The following ATP10B variants were observed in gnomAD, a reference collection of about 807,000 sequenced individuals.
The protein encoded by ATP10B is phospholipid-transporting ATPase VB.
A neutral mutation model predicts 141.2 loss-of-function variants in ATP10B; 122 were observed. The ratio of observed to expected loss-of-function variants is 0.86; its 90% CI spans 0.75 to 1.00. The LOEUF (loss-of-function observed/expected upper bound fraction) is 1.00. Among genes scored for constraint, ATP10B ranks in the 50% least tolerant of loss-of-function variants. ATP10B has a pLI of 0.00. For synonymous variants in ATP10B, 685 were observed against 692.0 expected (o/e 0.99, Z 0.16); for missense variants, 1,876 against 1,825.3 (o/e 1.03, Z -0.51).
At chr5:160,640,393 G>C (rs1302815844) in intron 10 of ATP10B, 68 bp downstream of exon 10, 7 of 1,556,108 alleles carry the variant, frequency 4.5e-6, no homozygotes, top group Non-Finnish European at 6.1e-6. Flanking sequence ...TTATAAATGA[G>C]GAAGCTGAAG....
intron 24 of ATP10B, among the ~76,000 whole-genome samples, chr5:160,580,227 T>C (rs762727761): frequency 6.6e-6 from 1 of 152,172 alleles, no homozygotes; most frequent in Non-Finnish European, 1.5e-5. Flanking sequence ...GAGGGTGGCA[T>C]CCTTGTTTTC....
In ATP10B at chr5:160,651,432, T is replaced by A. The variant is rs78407381; in HGVS notation, c.676-2176A>T. Among the ~76,000 whole-genome samples the A allele has an allele frequency of 2.0e-4, 30 of 152,248 alleles. 1 individual carries two copies. In the East Asian group the frequency reaches 5.8e-3, roughly 29 times the overall value. ...TACATTGACTAATCCTACGTTCAAC[T>A]CATGAGCCTTCGTTTCTTCATCTGT... On this transcript the variant is annotated intron_variant, in intron 7 of 25. Transcript: ENST00000327245.
At chr5:160,704,743 C>T (rs574641296) in intron 3 of ATP10B, among the ~76,000 whole-genome samples, 5 of 152,130 alleles carry the variant, frequency 3.3e-5, no homozygotes, top group African/African-American at 9.6e-5. Context: ...CATTGTTTAG[C>T]GCAGCCACTT....
the ATP10B span, among the ~76,000 whole-genome samples, chr5:160,882,712 C>A: frequency 6.6e-6 from 1 of 151,588 alleles, no homozygotes; most frequent in Non-Finnish European, 1.5e-5. Flanking sequence ...AGGTAAATAC[C>A]GTAAAGAAAA....
At chr5:160,786,557 C>A (rs1467377952) in intron 1 of ATP10B, among the ~76,000 whole-genome samples, 1 of 152,044 alleles carries the variant, frequency 6.6e-6, no homozygotes, top group Non-Finnish European at 1.5e-5. Context: ...TTCAACGGCT[C>A]CCTCCATTCC....
intron 1 of ATP10B, among the ~76,000 whole-genome samples, chr5:160,826,690 A>C (rs1298598838): frequency 6.6e-6 from 1 of 152,226 alleles, no homozygotes; most frequent in Admixed American, 6.5e-5. Flanking sequence ...AGTAGGAGAG[A>C]GATCACTAAA....
chr5:160,619,932 T>C (rs765231167), intron 15 of ATP10B, among the ~76,000 whole-genome samples: 6 of 152,202 alleles, frequency 3.9e-5, no homozygotes, highest in Non-Finnish European at 7.4e-5. Flanking sequence ...GTTAACCATG[T>C]TACCTCTTGT....
intron 7 of ATP10B, among the ~76,000 whole-genome samples, chr5:160,653,042 A>G (rs1220125083): frequency 2.7e-5 from 3 of 112,090 alleles, no homozygotes; most frequent in African/African-American, 1.0e-4. Context: ...ATTTATATTT[A>G]TGTATATAAT....
chr5:160,860,662 G>C, the ATP10B span, among the ~76,000 whole-genome samples: 1 of 151,868 alleles, frequency 6.6e-6, no homozygotes. Context: ...ATAACTTTTT[G>C]GTCCTTTGTC....
At chr5:160,649,113 T>C (rs1225306123) in intron 8 of ATP10B, 58 bp downstream of exon 8, 4 of 1,271,928 alleles carry the variant, frequency 3.1e-6, no homozygotes, top group African/African-American at 1.5e-5. Flanking sequence ...TTCTAGACAA[T>C]ATATTTTCTA....
At chr5:160,726,284 C>T (rs929974218) in intron 2 of ATP10B, among the ~76,000 whole-genome samples, 1 of 152,292 alleles carries the variant, frequency 6.6e-6, no homozygotes, top group Admixed American at 6.5e-5. Context: ...CAAGCCCAGC[C>T]ATGTAGGCCC....
intron 16 of ATP10B, among the ~76,000 whole-genome samples, chr5:160,617,312 A>C (rs148665425): frequency 3.9e-4 from 60 of 152,340 alleles, no homozygotes; most frequent in African/African-American, 1.4e-3. Flanking sequence ...CTACAAAACT[A>C]TGGCTGGGCT....
At chr5:160,811,159 G>A (rs1189487704) in intron 1 of ATP10B, among the ~76,000 whole-genome samples, 1 of 152,034 alleles carries the variant, frequency 6.6e-6, no homozygotes, top group African/African-American at 2.4e-5. Flanking sequence ...CTTGGGCCAT[G>A]AATAACCAGT....
intron 2 of ATP10B, among the ~76,000 whole-genome samples, chr5:160,774,242 A>G (rs926462006): frequency 3.9e-5 from 6 of 152,218 alleles, no homozygotes; most frequent in Middle Eastern, 3.2e-3. Context: ...ACTTAATGAC[A>G]GCTAATGAGG....
At chr5:160,850,628 T>A (rs187288403) in intron 1 of ATP10B, among the ~76,000 whole-genome samples, 1 of 152,160 alleles carries the variant, frequency 6.6e-6, no homozygotes, top group South Asian at 2.1e-4. Context: ...ACTGGACTTA[T>A]CAGTATCACA....
At chr5:160,818,295 A>G (rs1431510647) in intron 1 of ATP10B, among the ~76,000 whole-genome samples, 1 of 152,210 alleles carries the variant, frequency 6.6e-6, no homozygotes, top group Non-Finnish European at 1.5e-5. Context: ...ACTCAAACAA[A>G]TTTACAAGAA....
chr5:160,927,723 T>C, the ATP10B span, among the ~76,000 whole-genome samples: 6 of 152,222 alleles, frequency 3.9e-5, no homozygotes, highest in African/African-American at 4.8e-5. Flanking sequence ...CAGTAGTGTC[T>C]AGGAGGTAGA....
At chr5:160,816,249 T>G (rs569151471) in intron 1 of ATP10B, among the ~76,000 whole-genome samples, 1 of 130,610 alleles carries the variant, frequency 7.7e-6, no homozygotes, top group South Asian at 2.3e-4. Flanking sequence ...ATTGAGAGAC[T>G]GCTAGCAAGA....
chr5:160,669,580 G>C (rs894167611), intron 7 of ATP10B, among the ~76,000 whole-genome samples: 1 of 150,660 alleles, frequency 6.6e-6, no homozygotes, highest in South Asian at 2.1e-4. Flanking sequence ...ACTCCAGTCT[G>C]GGTGACAGAC....
Sources: allele counts gnomAD v4.1 joint callset (sites outside exome capture counted in the v4.1 genomes callset), GRCh38; gene constraint gnomAD v4.1.1; transcripts MANE v1.5; gene names NCBI Gene and HGNC (gene_info 2026-07-23, HGNC 2026-07-21).